ZFYVE16: variants seen among roughly 807,000 people sequenced by gnomAD.
ZFYVE16 encodes the protein zinc finger FYVE-type containing 16.
ZFYVE16 carries 89 observed loss-of-function variants against 138.1 expected under a neutral mutation model. The ratio of observed to expected loss-of-function variants is 0.64; its 90% CI spans 0.54 to 0.77. The LOEUF is 0.77. Among genes scored for constraint, ZFYVE16 ranks in the 30% least tolerant of loss-of-function variants. The pLI, the probability that ZFYVE16 is intolerant of heterozygous loss-of-function variation, is 0.00. For missense variants in ZFYVE16, 1,793 were observed against 1,786.7 expected (o/e 1.00, Z -0.06); for synonymous variants, 596 against 618.3 (o/e 0.96, Z 0.53).
intron 2 of ZFYVE16, among the ~76,000 whole-genome samples, chr5:80,428,144 G>T (rs1367745775): frequency 2.0e-5 from 3 of 152,070 alleles, no homozygotes; most frequent in African/African-American, 7.2e-5. Flanking sequence ...ATGTGAGAAC[G>T]GACAGACTGT....
rs145045521 is a variant in ZFYVE16, at chr5:80,448,726, T to C, written c.3103+322T>C. The stretch of plus-strand genomic sequence containing the variant: ...TTATTACTATTTTTTTTTAGGAGCA[T>C]GATACCTAAAGAAAAGAGCATTAGA... On this transcript the variant is annotated intron_variant, in intron 8 of 18. Transcript: ENST00000505560. Among the ~76,000 whole-genome samples, 808 of 152,212 alleles carry C rather than the reference T, an allele frequency of 5.3e-3. 5 individuals carry two copies. The highest frequency in any genetic ancestry group is 0.018 in the African/African-American group (746 of 41,538).
chr5:80,472,653 T>C, intron 15 of ZFYVE16, 108 bp from the exon 16 acceptor site: 1 of 1,108,406 alleles, frequency 9.0e-7, no homozygotes, highest in Non-Finnish European at 1.3e-6. Flanking sequence ...TAGCAAATGA[T>C]TTAAAACTTG....
intron 15 of ZFYVE16, among the ~76,000 whole-genome samples, chr5:80,466,543 T>C (rs1008901792): frequency 4.6e-5 from 7 of 152,226 alleles, no homozygotes; most frequent in African/African-American, 1.7e-4. Flanking sequence ...TCTGTGAACA[T>C]ATTTAAAATA....
At chr5:80,445,131 T>A (rs1374606814) in intron 6 of ZFYVE16, 132 bp from the exon 7 acceptor site, 1 of 918,600 alleles carries the variant, frequency 1.1e-6, no homozygotes, top group Non-Finnish European at 1.6e-6. Context: ...TCTCTAGATC[T>A]TTGTAGCCCT....
intron 11 of ZFYVE16, chr5:80,454,723 G>A (rs1302447022): frequency 3.3e-5 from 5 of 152,380 alleles, no homozygotes; most frequent in Admixed American, 6.5e-5. Context: ...TGTTAGCCAG[G>A]ATGGTCTCGA....
intron 11 of ZFYVE16, 141 bp downstream of exon 11, chr5:80,451,850 C>G: frequency 1.3e-6 from 1 of 777,158 alleles, no homozygotes; most frequent in Non-Finnish European, 2.0e-6. Context: ...CTAAGACAAC[C>G]CTCTTCTACT....
Position 80,483,254 on chromosome 5 carries a change from A to C in ZFYVE16, c.*5877A>C, listed in dbSNP as rs947286764. 5 of 152,250 alleles carry C rather than the reference A, an allele frequency of 3.3e-5. No homozygotes were observed. Among genetic ancestry groups the C allele is most frequent in the Non-Finnish European group, 7.3e-5 (5 of 68,046 alleles). 9.4% of individuals were successfully genotyped at this position (152,250 alleles called of 1,614,324 possible). ...TTAACAGAAATGGTAAAGGAAGTTC[A>C]TGGGGAAGGAAAATGATTGCAAAGA... On this transcript the variant is annotated 3_prime_UTR_variant, in exon 19 of 19. Transcript: ENST00000505560.
rs1224749123 is a variant in ZFYVE16, at chr5:80,434,168, A to G, written c.21A>G (p.Ala7=). The G allele has an allele frequency of 6.2e-7, 1 of 1,613,334 alleles. No individual in the cohort carries two copies. The highest frequency in any genetic ancestry group is 8.5e-7 in the Non-Finnish European group (1 of 1,179,588). Residue 7 remains alanine (A), a synonymous_variant, in exon 3 of 19, where the codon GCA becomes GCG. Coordinates refer to ENST00000505560, the MANE Select transcript of ZFYVE16 (RefSeq NM_001284236.3). MDSYFK[A]AVSDLDKLLD... ...GTAGGATGGACAGTTATTTTAAAGCAGCTGTCAGTGACTTGGACAAACTCC... is the reference window on the plus strand; with the variant it reads ...GTAGGATGGACAGTTATTTTAAAGCGGCTGTCAGTGACTTGGACAAACTCC...
At chr5:80,449,230 T>C (rs892586957) in intron 8 of ZFYVE16, among the ~76,000 whole-genome samples, 73 of 152,306 alleles carry the variant, frequency 4.8e-4, no homozygotes, top group African/African-American at 1.7e-3. Context: ...GGCTCTAGAC[T>C]ACTTTCATAG....
chr5:80,437,446 A>C lies in ZFYVE16; in HGVS notation c.761A>C (p.Lys254Thr). Residue 254 changes from lysine to threonine, a missense_variant, in exon 4 of 19, where the codon AAA becomes ACA. Lys to Thr is a moderately conservative substitution (Grantham distance 78, BLOSUM62 -1). Around this residue, in one of 2 missense-constraint regions of ZFYVE16, gnomAD observed 1,295 missense variants for 1,204.3 expected, o/e 1.08. Transcript: ENST00000505560. ...MSSALTRQSSKMFHAKDKLQH... is the reference protein window; with the variant it reads ...MSSALTRQSSTMFHAKDKLQH... ...TCTGCTTTGACTCGACAAAGTTCCAAAATGTTTCATGCCAAAGACAAGCTA... is the reference window on the plus strand; with the variant it reads ...TCTGCTTTGACTCGACAAAGTTCCACAATGTTTCATGCCAAAGACAAGCTA... 6.2e-7 allele frequency: 1 copy of C among 1,602,328 alleles called. No homozygotes were observed. Among genetic ancestry groups the C allele is most frequent in the South Asian group, 1.1e-5 (1 of 89,820 alleles).
In ZFYVE16 at chr5:80,437,447, A is replaced by C; in HGVS notation, c.762A>C (p.Lys254Asn). 1 of 1,602,226 alleles carries C rather than the reference A, an allele frequency of 6.2e-7. No homozygotes were observed. Among genetic ancestry groups the C allele is most frequent in the Non-Finnish European group, 8.5e-7 (1 of 1,174,962 alleles). ...CTGCTTTGACTCGACAAAGTTCCAA[A>C]ATGTTTCATGCCAAAGACAAGCTAC... Reference protein sequence around the residue: ...MSSALTRQSSKMFHAKDKLQH... With the variant: ...MSSALTRQSSNMFHAKDKLQH... Residue 254 changes from lysine (K) to asparagine (N), a missense_variant, in exon 4 of 19, where the codon AAA becomes AAC. Physicochemically the swap from Lys to Asn is moderately conservative, Grantham distance 94. This residue lies in a region of ZFYVE16 where 1,295 missense variants were observed against 1,204.3 expected (regional missense o/e 1.08). Coordinates refer to ENST00000505560, the MANE Select transcript of ZFYVE16 (RefSeq NM_001284236.3).
chr5:80,447,478 C>G lies in ZFYVE16; in HGVS notation c.2725-548C>G, dbSNP rs76454481. Among the ~76,000 whole-genome samples the G allele has an allele frequency of 8.1e-3, 1,239 of 152,132 alleles. 19 individuals carry two copies. Among genetic ancestry groups the G allele is most frequent in the African/African-American group, 0.028 (1,143 of 41,488 alleles). ...TCAACAGGCTAGTAAATATTGAGTTCATAAATGGTTCTTATTTAATACTGA... is the reference window on the plus strand; with the variant it reads ...TCAACAGGCTAGTAAATATTGAGTTGATAAATGGTTCTTATTTAATACTGA... On this transcript the variant is annotated intron_variant, in intron 7 of 18. Coordinates refer to ENST00000505560, the MANE Select transcript of ZFYVE16 (RefSeq NM_001284236.3).
At chr5:80,424,663 T>C (rs961304312) in intron 1 of ZFYVE16, among the ~76,000 whole-genome samples, 1 of 152,152 alleles carries the variant, frequency 6.6e-6, no homozygotes, top group African/African-American at 2.4e-5. Flanking sequence ...GGTTTCACTA[T>C]GTTGGCCAGG....
rs1490733050 is a variant in ZFYVE16, at chr5:80,448,335, A to G, written c.3034A>G (p.Ile1012Val). Residue 1012 changes from isoleucine to valine, a missense_variant, in exon 8 of 19, where the codon ATT becomes GTT. Ile to Val is a conservative substitution (Grantham distance 29). Coordinates refer to ENST00000505560, the MANE Select transcript of ZFYVE16 (RefSeq NM_001284236.3). Reference protein sequence around the residue: ...CDINKYVCNKISLLPNDEDSL... With the variant: ...CDINKYVCNKVSLLPNDEDSL... ...TATTAACAAGTATGTCTGCAATAAG[A>G]TTAGTCTTCTACCTAATGATGAGGA... is the stretch of plus-strand genomic sequence containing the variant. The G allele has an allele frequency of 6.2e-7, 1 of 1,608,998 alleles. No homozygotes were observed. Among genetic ancestry groups the G allele is most frequent in the Non-Finnish European group, 8.5e-7 (1 of 1,178,946 alleles).
intron 11 of ZFYVE16, chr5:80,454,104 CTCTG>C (rs1752264390): frequency 6.6e-6 from 1 of 152,132 alleles, no homozygotes; most frequent in Non-Finnish European, 1.5e-5. Context: ...AATCTAGACC[CTCTG>C]TCTTTCAAAT....
intron 1 of ZFYVE16, among the ~76,000 whole-genome samples, chr5:80,426,266 G>GTA (rs1748030410): frequency 1.8e-5 from 1 of 55,016 alleles, no homozygotes; most frequent in African/African-American, 4.9e-5. Context: ...GTGTGTGTGT[G>GTA]TGTGTGTATA....
In ZFYVE16 at chr5:80,439,011, A is replaced by G; in HGVS notation, c.2322+4A>G. ...CCATTGCCGAGCATGTGGGAAAGTAAGTTATAAAAATCTTTTAAGTCTTTT... is the reference window on the plus strand; with the variant it reads ...CCATTGCCGAGCATGTGGGAAAGTAGGTTATAAAAATCTTTTAAGTCTTTT... On this transcript the variant is annotated splice_donor_region_variant and intron_variant, in intron 4 of 18. Coordinates refer to ENST00000505560, the MANE Select transcript of ZFYVE16 (RefSeq NM_001284236.3). 6.3e-7 allele frequency: 1 copy of G among 1,594,286 alleles called. No individual in the cohort carries two copies. The highest frequency in any genetic ancestry group is 8.5e-7 in the Non-Finnish European group (1 of 1,171,814).
At chr5:80,473,024 T>C in intron 16 of ZFYVE16, 101 bp downstream of exon 16, 1 of 1,071,974 alleles carries the variant, frequency 9.3e-7, no homozygotes, top group Non-Finnish European at 1.3e-6. Flanking sequence ...GAATATATAC[T>C]TATACCATCA....
intron 2 of ZFYVE16, among the ~76,000 whole-genome samples, chr5:80,432,230 A>C (rs1311590624): frequency 1.3e-5 from 2 of 152,210 alleles, no homozygotes; most frequent in Non-Finnish European, 1.5e-5. Flanking sequence ...CTGGTACCAA[A>C]ACAGAGATAT....
Sources: gnomAD v4.1 joint callset for allele counts (sites outside exome capture counted in the v4.1 genomes callset) on GRCh38, gnomAD v4.1.1 for gene constraint, gnomAD v4.1.1 regional missense constraint, MANE v1.5 for transcripts, NCBI Gene and HGNC (gene_info 2026-07-23, HGNC 2026-07-21) for gene names.